PPP1R1C: variants seen among roughly 807,000 people sequenced by gnomAD.
PPP1R1C encodes the protein protein phosphatase 1 regulatory inhibitor subunit 1C, also known as protein phosphatase 1 regulatory subunit 1C.
Under a neutral mutation model 17.4 loss-of-function variants are expected in PPP1R1C, and 15 were observed. The observed-to-expected ratio is 0.86, with a 90% CI of 0.58 to 1.33. PPP1R1C has a LOEUF of 1.33. Ranked by LOEUF, PPP1R1C falls within the 40% of genes most tolerant of loss-of-function variation. The pLI is 0.00. For missense variants in PPP1R1C, 143 were observed against 130.0 expected (o/e 1.10, Z -0.48); for synonymous variants, 35 against 43.1 (o/e 0.81, Z 0.73).
chr2:182,106,316 A>AT (rs1559095276), intron 4 of PPP1R1C, among the ~76,000 whole-genome samples: 1 of 152,172 alleles, frequency 6.6e-6, no homozygotes. Flanking sequence ...TCTTGTGCCT[A>AT]TAAGAACCCT....
chr2:182,023,230 G>T (rs930488834), intron 2 of PPP1R1C, among the ~76,000 whole-genome samples: 1 of 152,096 alleles, frequency 6.6e-6, no homozygotes, highest in African/African-American at 2.4e-5. Context: ...TGATCCCACA[G>T]CTAAAAATTC....
At chr2:181,971,407 C>T (rs1685004741) in intron 1 of PPP1R1C, among the ~76,000 whole-genome samples, 1 of 152,156 alleles carries the variant, frequency 6.6e-6, no homozygotes, top group Non-Finnish European at 1.5e-5. Flanking sequence ...CTGCCTGTGG[C>T]CCTATTCTAC....
At chr2:182,007,933 T>A (rs1025021034) in intron 2 of PPP1R1C, among the ~76,000 whole-genome samples, 1 of 151,856 alleles carries the variant, frequency 6.6e-6, no homozygotes, top group African/African-American at 2.4e-5. Flanking sequence ...CCGGGAGTGG[T>A]GGTGGGTGTC....
At chr2:182,053,571 G>T (rs1429083406) in intron 2 of PPP1R1C, among the ~76,000 whole-genome samples, 5 of 151,994 alleles carry the variant, frequency 3.3e-5, no homozygotes, top group South Asian at 2.1e-4. Context: ...TTACCCTTAA[G>T]ATTTCTCTTT....
At chr2:182,084,794 T>A (rs529524889) in intron 4 of PPP1R1C, among the ~76,000 whole-genome samples, 7 of 152,146 alleles carry the variant, frequency 4.6e-5, no homozygotes, top group African/African-American at 1.7e-4. Flanking sequence ...TGTGAAAAAA[T>A]GATGTTGATG....
Position 181,962,255 on chromosome 2 carries a change from C to T in PPP1R1C, n.111+7621C>T. 9.6e-6 allele frequency: 7 copies of T among 731,480 alleles called. No individual in the cohort carries two copies. Among genetic ancestry groups the T allele is most frequent in the Non-Finnish European group, 1.7e-5 (7 of 407,182 alleles). 45.3% of individuals were successfully genotyped at this position (731,480 alleles called of 1,614,324 possible). Reference sequence around the variant, plus strand: ...TGTCTCCTTCTTATTCTGGATGCCTCCCATTCCTGCCAGACCCCCGGCCAT... The same window carrying T: ...TGTCTCCTTCTTATTCTGGATGCCTTCCATTCCTGCCAGACCCCCGGCCAT... On this transcript the variant is annotated intron_variant and non_coding_transcript_variant, in intron 1 of 5. Coordinates refer to the PPP1R1C transcript ENST00000464264. This position sits in a 1 kb window ranked among gnomAD's most constrained non-coding sequence, Gnocchi z 6.0.
chr2:182,074,218 C>T (rs536422636), intron 4 of PPP1R1C, among the ~76,000 whole-genome samples: 24 of 151,648 alleles, frequency 1.6e-4, no homozygotes, highest in Non-Finnish European at 2.9e-4. Flanking sequence ...ATTTTTTGTA[C>T]TTTTAGTAGA....
chr2:182,114,050 A>C (rs369342744), intron 4 of PPP1R1C, among the ~76,000 whole-genome samples: 85 of 152,124 alleles, frequency 5.6e-4, no homozygotes, highest in African/African-American at 2.0e-3. Context: ...TTCTTCTTTT[A>C]TTGTCTGCTT....
intron 4 of PPP1R1C, among the ~76,000 whole-genome samples, chr2:182,097,561 C>G (rs1688978724): frequency 6.6e-6 from 1 of 152,132 alleles, no homozygotes; most frequent in African/African-American, 2.4e-5. Context: ...ATTGGTTCAC[C>G]CCTTTAGTCT....
chr2:181,978,418 T>C (rs1282629851), intron 2 of PPP1R1C, among the ~76,000 whole-genome samples: 1 of 152,138 alleles, frequency 6.6e-6, no homozygotes, highest in Non-Finnish European at 1.5e-5. Flanking sequence ...GGGCATCAGA[T>C]CAGAGACTCA....
intron 2 of PPP1R1C, among the ~76,000 whole-genome samples, chr2:181,988,230 T>C (rs1685359254): frequency 1.3e-5 from 2 of 152,346 alleles, no homozygotes; most frequent in Non-Finnish European, 1.5e-5. Context: ...TTTAATTAGG[T>C]TTAAAAGCTC....
At chr2:182,110,879 C>G (rs1382131297) in intron 4 of PPP1R1C, among the ~76,000 whole-genome samples, 4 of 152,016 alleles carry the variant, frequency 2.6e-5, no homozygotes, top group Admixed American at 2.6e-4. Flanking sequence ...AAATTTAACT[C>G]TACTTCTAAA....
intron 2 of PPP1R1C, among the ~76,000 whole-genome samples, chr2:181,998,823 C>T (rs529763134): frequency 2.0e-5 from 3 of 152,302 alleles, no homozygotes; most frequent in African/African-American, 7.2e-5. Context: ...ACTCTTTCTT[C>T]GTGAATTTTA....
intron 2 of PPP1R1C, among the ~76,000 whole-genome samples, chr2:181,997,997 T>C (rs902447584): frequency 6.6e-6 from 1 of 152,244 alleles, no homozygotes; most frequent in African/African-American, 2.4e-5. Flanking sequence ...TATGTGTTTT[T>C]ATTGTTTCTG....
chr2:182,052,018 A>G (rs1687536688), intron 2 of PPP1R1C, among the ~76,000 whole-genome samples: 1 of 151,900 alleles, frequency 6.6e-6, no homozygotes, highest in Non-Finnish European at 1.5e-5. Flanking sequence ...AAAAAAAATC[A>G]TGATAATACA....
At chr2:182,025,021 G>C (rs895773862) in intron 2 of PPP1R1C, among the ~76,000 whole-genome samples, 5 of 147,846 alleles carry the variant, frequency 3.4e-5, no homozygotes, top group Admixed American at 6.7e-5. Flanking sequence ...GCTATGACTT[G>C]ACAACCACCC....
At chr2:182,061,368 G>C in intron 2 of PPP1R1C, 74 bp from the exon 3 acceptor site, 2 of 1,012,342 alleles carry the variant, frequency 2.0e-6, no homozygotes, top group Non-Finnish European at 2.8e-6. Flanking sequence ...TATCCGTGTT[G>C]TTGAAAATGT....
chr2:182,023,278 A>C (rs1477430030), intron 2 of PPP1R1C, among the ~76,000 whole-genome samples: 2 of 152,218 alleles, frequency 1.3e-5, no homozygotes, highest in African/African-American at 4.8e-5. Context: ...AATGGAAAGA[A>C]TATACCAAAA....
Position 182,067,086 on chromosome 2 carries a change from C to T in PPP1R1C, c.241+3295C>T, listed in dbSNP as rs552766578. On this transcript the variant is annotated intron_variant, in intron 4 of 4. Coordinates refer to ENST00000682840, the MANE Select transcript of PPP1R1C (RefSeq NM_001080545.3). The stretch of plus-strand genomic sequence containing the variant: ...TTGGAACATTAAACAAAGCAGCTGA[C>T]TTAAAAATGACTTTGTAGAGCAGGG... Among the ~76,000 whole-genome samples, 258 of 152,116 alleles carry T rather than the reference C, an allele frequency of 1.7e-3. 1 individual carries two copies. The highest frequency in any genetic ancestry group is 5.8e-3 in the African/African-American group (242 of 41,486).
Sources: gnomAD v4.1 joint callset for allele counts (sites outside exome capture counted in the v4.1 genomes callset) on GRCh38, gnomAD v4.1.1 for gene constraint, Gnocchi (gnomAD v3.1) non-coding constraint, MANE v1.5 for transcripts, NCBI Gene and HGNC (gene_info 2026-07-23, HGNC 2026-07-21) for gene names.